The following ARHGAP35 variants were observed in gnomAD, a reference collection of about 807,000 sequenced individuals.
ARHGAP35 encodes the protein Rho GTPase activating protein 35, also known as rho GTPase-activating protein 35.
ARHGAP35 carries 15 observed loss-of-function variants against 111.1 expected under a neutral mutation model. That is an observed-to-expected ratio of 0.13 (90% CI 0.09 to 0.21). ARHGAP35 has a LOEUF of 0.21. ARHGAP35 is among the 10% of genes least tolerant of loss of function. The probability of loss-of-function intolerance (pLI) is 1.00; values close to 1 mark genes in which losing one functional copy is unlikely to be tolerated. For missense variants in ARHGAP35, 1,262 were observed against 1,873.0 expected, an observed-to-expected ratio of 0.67 and a Z score of 6.02; for synonymous variants, 643 against 710.3, an observed-to-expected ratio of 0.91 and a Z score of 1.51.
At position 46,867,418 on chromosome 19, in the gene ARHGAP35, C is replaced by T. The variant is rs147530346; in HGVS notation, c.-189+6209C>T. On this transcript the variant is annotated intron_variant, in intron 1 of 6. Coordinates refer to ENST00000672722, the MANE Select transcript of ARHGAP35 (RefSeq NM_004491.5). ...TAATTGCATTTGGACAATTGAGAGG[C>T]GGCTTCCTATGATGTAAAGAACATT... 6.1e-3 allele frequency among the ~76,000 whole-genome samples: 924 copies of T among 152,264 alleles called. 5 individuals carry two copies. Among genetic ancestry groups the T allele is most frequent in the Middle Eastern group, 0.02 (6 of 294 alleles).
intron 3 of ARHGAP35, among the ~76,000 whole-genome samples, chr19:46,941,926 T>A (rs1213721882): frequency 1.4e-5 from 2 of 143,756 alleles, no homozygotes; most frequent in Non-Finnish European, 3.1e-5. Flanking sequence ...TGGTTTTCAA[T>A]CTGGAACACC....
At chr19:46,932,326 G>A (rs1227814023) in intron 2 of ARHGAP35, among the ~76,000 whole-genome samples, 5 of 152,158 alleles carry the variant, frequency 3.3e-5, no homozygotes, top group African/African-American at 1.2e-4. Flanking sequence ...TGTGGAGATT[G>A]TTCTCAGGGA....
chr19:46,965,573 C>A (rs1391254772), intron 3 of ARHGAP35, among the ~76,000 whole-genome samples: 1 of 152,146 alleles, frequency 6.6e-6, no homozygotes, highest in East Asian at 1.9e-4. Context: ...CAGCCTCGAT[C>A]TCCCAGGCTC....
intron 1 of ARHGAP35, among the ~76,000 whole-genome samples, chr19:46,892,444 C>T (rs1200573677): frequency 2.8e-5 from 4 of 144,812 alleles, no homozygotes; most frequent in Admixed American, 1.4e-4. Flanking sequence ...GTACTCCAGC[C>T]TGGGTAACAG....
chr19:47,001,358 C>A lies in ARHGAP35; in HGVS notation c.*670C>A. 1 of 1,290,154 alleles carries A rather than the reference C, an allele frequency of 7.8e-7. No homozygotes were observed. Among genetic ancestry groups the A allele is most frequent in the Non-Finnish European group, 1.0e-6 (1 of 989,050 alleles). 79.9% of individuals were successfully genotyped at this position (1,290,154 alleles called of 1,614,324 possible). On this transcript the variant is annotated 3_prime_UTR_variant, in exon 7 of 7. Transcript: ENST00000672722. This position sits in a 1 kb window ranked among gnomAD's most constrained non-coding sequence, Gnocchi z 5.4. ...ACAGCCTTCCCGAAACATTCCCTGG[C>A]AAACAAAGGAACACTAGGAGAAAAA...
At chr19:46,891,826 T>C (rs1209578795) in intron 1 of ARHGAP35, among the ~76,000 whole-genome samples, 2 of 152,098 alleles carry the variant, frequency 1.3e-5, no homozygotes, top group Non-Finnish European at 2.9e-5. Context: ...TCAAAGGGAT[T>C]CTTAACTGCC....
Position 47,000,503 on chromosome 19 carries a change from C to T in ARHGAP35, c.4315C>T (p.Arg1439Trp), listed in dbSNP as rs986522562. 5 of 1,613,724 alleles carry T rather than the reference C, an allele frequency of 3.1e-6. No individual in the cohort carries two copies. The highest frequency in any genetic ancestry group is 2.2e-5 in the East Asian group (1 of 44,866). Residue 1439 changes from arginine (R) to tryptophan (W), a missense_variant, in exon 7 of 7, where the codon CGG (arginine) becomes TGG (tryptophan). Around this residue, in one of 8 missense-constraint regions of ARHGAP35, gnomAD observed 75 missense variants for 87.0 expected, o/e 0.86. Coordinates refer to ENST00000672722, the MANE Select transcript of ARHGAP35 (RefSeq NM_004491.5). This position sits in a 1 kb window ranked among gnomAD's most constrained non-coding sequence, Gnocchi z 6.9. ...IQQCPFFFYN[R>W]PITEPPGARP... Reference sequence around the variant, plus strand: ...GCAGTGCCCCTTCTTCTTCTACAATCGGCCCATCACCGAGCCCCCCGGCGC... The same window carrying T: ...GCAGTGCCCCTTCTTCTTCTACAATTGGCCCATCACCGAGCCCCCCGGCGC...
chr19:46,892,468 C>CAAAA (rs982546554), intron 1 of ARHGAP35, among the ~76,000 whole-genome samples: 1 of 67,118 alleles, frequency 1.5e-5, no homozygotes, highest in Admixed American at 1.7e-4. Flanking sequence ...AACCCTGTCT[C>CAAAA]AAAAAAAAAA....
chr19:46,870,483 G>A (rs1188969284), intron 1 of ARHGAP35, among the ~76,000 whole-genome samples: 1 of 151,960 alleles, frequency 6.6e-6, no homozygotes, highest in Non-Finnish European at 1.5e-5. Flanking sequence ...GGAGGCTGAG[G>A]TAGGAGAATG....
intron 1 of ARHGAP35, among the ~76,000 whole-genome samples, chr19:46,910,578 C>T (rs996646046): frequency 1.5e-4 from 22 of 151,700 alleles, no homozygotes; most frequent in African/African-American, 5.3e-4. Flanking sequence ...AGGCGTGAGC[C>T]ACCACACCTG....
rs10711524 is a variant in ARHGAP35, at chr19:46,892,646, C to CT, written c.-188-25825dup. ...AATATTCAGAAGTTTTTGTTGGCTG[C>CT]TTTTTTTTTTTTTTTTTCTGCCAGG... is the stretch of plus-strand genomic sequence containing the variant. On this transcript the variant is annotated intron_variant, in intron 1 of 6. Coordinates refer to ENST00000672722, the MANE Select transcript of ARHGAP35 (RefSeq NM_004491.5). 6.5e-3 allele frequency among the ~76,000 whole-genome samples: 858 copies of CT among 132,656 alleles called. 3 individuals are homozygous for CT. Among genetic ancestry groups the CT allele is most frequent in the Middle Eastern group, 0.015 (4 of 260 alleles). 87.0% of individuals were successfully genotyped at this position (132,656 alleles called of 152,430 possible).
chr19:46,867,670 T>C (rs2055865781), intron 1 of ARHGAP35, among the ~76,000 whole-genome samples: 1 of 152,154 alleles, frequency 6.6e-6, no homozygotes, highest in Non-Finnish European at 1.5e-5. Context: ...TTATCTTTGA[T>C]TTCCTATCAC....
intron 1 of ARHGAP35, among the ~76,000 whole-genome samples, chr19:46,869,276 AG>A (rs773348677): frequency 5.9e-5 from 9 of 152,052 alleles, no homozygotes; most frequent in Non-Finnish European, 1.0e-4. Flanking sequence ...GGTTAGTTAC[AG>A]CTAATAGCCT....
chr19:46,999,228 C>CCAT lies in ARHGAP35; in HGVS notation c.4037-73_4037-71dup, dbSNP rs149777227. The CCAT allele has an allele frequency of 4.5e-3, 4,273 of 954,660 alleles. 132 individuals are homozygous for CCAT. In the African/African-American group the frequency reaches 0.059, roughly 13 times the overall value. 59.1% of individuals were successfully genotyped at this position (954,660 alleles called of 1,614,324 possible). On this transcript the variant is annotated intron_variant, in intron 5 of 6. Transcript: ENST00000672722. This position sits in a 1 kb window ranked among gnomAD's most constrained non-coding sequence, Gnocchi z 5.4. ...GCCCTGGGCTGTCCTCAGAGAAGGC[C>CCAT]CATCACAGAGCACGCCCTGGGGTGG...
At chr19:46,890,503 T>C (rs1199816140) in intron 1 of ARHGAP35, among the ~76,000 whole-genome samples, 2 of 152,254 alleles carry the variant, frequency 1.3e-5, no homozygotes, top group South Asian at 2.1e-4. Flanking sequence ...TCAGAAATGG[T>C]AGCTGTTAGT....
At chr19:46,991,030 A>G (rs566251866) in intron 5 of ARHGAP35, among the ~76,000 whole-genome samples, 80 of 152,226 alleles carry the variant, frequency 5.3e-4, no homozygotes, top group Non-Finnish European at 9.7e-4. Context: ...AGGGTCATAG[A>G]GTAGCCTGCT....
intron 3 of ARHGAP35, among the ~76,000 whole-genome samples, chr19:46,985,804 G>A (rs894404816): frequency 1.3e-5 from 2 of 152,064 alleles, no homozygotes; most frequent in Admixed American, 1.3e-4. Flanking sequence ...TTTTCTCTCG[G>A]GGAAAGGGCC....
intron 1 of ARHGAP35, among the ~76,000 whole-genome samples, chr19:46,863,252 C>CT (rs2055838578): frequency 6.6e-6 from 1 of 152,170 alleles, no homozygotes; most frequent in South Asian, 2.1e-4. Flanking sequence ...GCTCTCCAGG[C>CT]TCTGAGACTG....
intron 3 of ARHGAP35, among the ~76,000 whole-genome samples, chr19:46,959,495 G>A (rs556658697): frequency 4.3e-4 from 66 of 151,954 alleles, no homozygotes; most frequent in African/African-American, 1.5e-3. Flanking sequence ...GGCCTCCTGG[G>A]TTCAAGCAAT....
Sources: gnomAD v4.1 joint callset for allele counts (sites outside exome capture counted in the v4.1 genomes callset) on GRCh38, gnomAD v4.1.1 for gene constraint, gnomAD v4.1.1 regional missense constraint, Gnocchi (gnomAD v3.1) non-coding constraint, MANE v1.5 for transcripts, NCBI Gene and HGNC (gene_info 2026-07-23, HGNC 2026-07-21) for gene names.